The following NIM1K variants were observed in gnomAD, a reference collection of about 807,000 sequenced individuals.
NIM1K encodes NIM1 serine/threonine protein kinase.
A neutral mutation model predicts 37.1 loss-of-function variants in NIM1K; 35 were observed. The observed-to-expected ratio is 0.94, with a 90% CI of 0.72 to 1.25. The LOEUF is 1.25. Ranked by LOEUF, NIM1K falls within the 50% of genes most tolerant of loss-of-function variation. The pLI is 0.00. For missense variants in NIM1K, 564 were observed against 548.0 expected (o/e 1.03, Z -0.29); for synonymous variants, 234 against 206.6 (o/e 1.13, Z -1.14).
intron 1 of NIM1K, chr5:43,194,727 A>T (rs1234835084): frequency 6.6e-6 from 1 of 152,202 alleles, no homozygotes; most frequent in Non-Finnish European, 1.5e-5. Flanking sequence ...GCATGTGATT[A>T]GACAGCTTGA....
At chr5:43,231,891 G>T in intron 1 of NIM1K, 1 of 1,092,132 alleles carries the variant, frequency 9.2e-7, no homozygotes, top group Non-Finnish European at 1.3e-6. Context: ...CTCAAGGGCA[G>T]TCATGTCCTC....
intron 2 of NIM1K, among the ~76,000 whole-genome samples, chr5:43,270,202 GTT>G (rs1403768132): frequency 6.6e-6 from 1 of 152,190 alleles, no homozygotes; most frequent in Non-Finnish European, 1.5e-5. Flanking sequence ...GGCTTGTAAG[GTT>G]TCTGCTGAGG....
At chr5:43,209,449 CTTT>C (rs1301863063) in intron 1 of NIM1K, among the ~76,000 whole-genome samples, 1 of 151,470 alleles carries the variant, frequency 6.6e-6, no homozygotes, top group Non-Finnish European at 1.5e-5. Flanking sequence ...AAGGGTTTTG[CTTT>C]TTTTGTTTGG....
At chr5:43,253,212 ATGTGTGTGTGTGTGTGTGTGTG>A (rs10603525) in intron 2 of NIM1K, among the ~76,000 whole-genome samples, 2 of 131,754 alleles carry the variant, frequency 1.5e-5, no homozygotes, top group Admixed American at 8.3e-5. Context: ...AATATAATAT[ATGTGTGTGTGTGTGTGTGTGTG>A]TGTGTGTGTG....
intron 1 of NIM1K, among the ~76,000 whole-genome samples, chr5:43,209,277 G>A (rs1378108702): frequency 1.3e-5 from 2 of 152,094 alleles, no homozygotes; most frequent in African/African-American, 4.8e-5. Context: ...ATGTCTACCC[G>A]CATTTGAGGT....
At chr5:43,230,644 T>C (rs566647259) in intron 1 of NIM1K, among the ~76,000 whole-genome samples, 1 of 152,172 alleles carries the variant, frequency 6.6e-6, no homozygotes, top group East Asian at 1.9e-4. Context: ...ATCACAATAT[T>C]TGGGGGGCAG....
intron 1 of NIM1K, among the ~76,000 whole-genome samples, chr5:43,238,913 G>A (rs1421452943): frequency 1.5e-5 from 2 of 136,796 alleles, no homozygotes; most frequent in Admixed American, 1.6e-4. Context: ...AGCTGGGATG[G>A]GGTAGAGAAA....
chr5:43,234,371 T>C (rs1483676871), intron 1 of NIM1K, among the ~76,000 whole-genome samples: 1 of 131,396 alleles, frequency 7.6e-6, no homozygotes, highest in Non-Finnish European at 1.6e-5. Flanking sequence ...TAACAATTAT[T>C]TTAAAAATTG....
intron 1 of NIM1K, among the ~76,000 whole-genome samples, chr5:43,205,990 G>A (rs7716136): frequency 0.31 from 46,813 of 151,942 alleles, 7,795 homozygotes; most frequent in Non-Finnish European, 0.35. Flanking sequence ...GGGATTACAG[G>A]CATGAGCTTC....
chr5:43,265,721 G>C (rs1753136831), intron 2 of NIM1K, among the ~76,000 whole-genome samples: 1 of 152,182 alleles, frequency 6.6e-6, no homozygotes, highest in Non-Finnish European at 1.5e-5. Flanking sequence ...AGAATTTTCA[G>C]CTTTTCTGCT....
At chr5:43,198,484 T>C (rs1751969018) in intron 1 of NIM1K, among the ~76,000 whole-genome samples, 1 of 151,894 alleles carries the variant, frequency 6.6e-6, no homozygotes, top group East Asian at 1.9e-4. Flanking sequence ...TTATTTTTAT[T>C]GCCTTTTATT....
intron 2 of NIM1K, among the ~76,000 whole-genome samples, chr5:43,273,075 C>T (rs1428759817): frequency 6.6e-6 from 1 of 152,196 alleles, no homozygotes; most frequent in Non-Finnish European, 1.5e-5. Context: ...CTGTCTACTT[C>T]TCTCTGTCTC....
chr5:43,217,708 ATTTTTTTTTTT>A (rs71608698), intron 1 of NIM1K, among the ~76,000 whole-genome samples: 2 of 93,648 alleles, frequency 2.1e-5, no homozygotes, highest in African/African-American at 4.3e-5. Flanking sequence ...TCCTCTGTCT[ATTTTTTTTTTT>A]TTTTTTTTTT....
chr5:43,241,972 T>G (rs1752709580), intron 1 of NIM1K, among the ~76,000 whole-genome samples: 1 of 152,012 alleles, frequency 6.6e-6, no homozygotes, highest in Admixed American at 6.5e-5. Flanking sequence ...TTTCCCCAGT[T>G]GACTTGCTGG....
intron 2 of NIM1K, among the ~76,000 whole-genome samples, chr5:43,272,387 A>T (rs1753271138): frequency 6.6e-6 from 1 of 151,394 alleles, no homozygotes; most frequent in Non-Finnish European, 1.5e-5. Flanking sequence ...CCCTAAGCCC[A>T]CTGTACCTGA....
At chr5:43,219,333 A>G (rs568011218) in intron 1 of NIM1K, among the ~76,000 whole-genome samples, 177 of 152,222 alleles carry the variant, frequency 1.2e-3, no homozygotes, top group African/African-American at 4.2e-3. Context: ...CTTTATTAGG[A>G]GTCTCAGGTA....
At chr5:43,263,466 CA>C (rs1331613958) in intron 2 of NIM1K, among the ~76,000 whole-genome samples, 3 of 151,738 alleles carry the variant, frequency 2.0e-5, no homozygotes, top group African/African-American at 7.3e-5. Context: ...TCCCCTTTAT[CA>C]TTTTTTATTG....
chr5:43,216,820 C>T (rs1357630691), intron 1 of NIM1K, among the ~76,000 whole-genome samples: 13 of 152,082 alleles, frequency 8.5e-5, no homozygotes, highest in Admixed American at 7.2e-4. Flanking sequence ...AGAAAGAGAA[C>T]ATAAATGGTC....
At chr5:43,229,859 C>G (rs1374872484) in intron 1 of NIM1K, among the ~76,000 whole-genome samples, 2 of 151,840 alleles carry the variant, frequency 1.3e-5, no homozygotes, top group Non-Finnish European at 2.9e-5. Flanking sequence ...GTCTCGAACT[C>G]CTGACCTCGT....
Sources: allele counts gnomAD v4.1 joint callset (sites outside exome capture counted in the v4.1 genomes callset), GRCh38; gene constraint gnomAD v4.1.1; transcripts MANE v1.5; gene names NCBI Gene and HGNC (gene_info 2026-07-23, HGNC 2026-07-21).